The following DOCK4 variants were observed in gnomAD, a reference collection of about 807,000 sequenced individuals.
DOCK4 encodes the protein dedicator of cytokinesis protein 4.
Under a neutral mutation model 268.1 loss-of-function variants are expected in DOCK4, and 97 were observed. The observed-to-expected ratio is 0.36, with a 90% CI of 0.31 to 0.43. The LOEUF is 0.43. DOCK4 is among the 20% of genes least tolerant of loss of function. The pLI, the probability that DOCK4 is intolerant of heterozygous loss-of-function variation, is 1.00. For missense variants in DOCK4, 2,145 were observed against 2,455.7 expected, an observed-to-expected ratio of 0.87 and a Z score of 2.67; for synonymous variants, 954 against 887.2, an observed-to-expected ratio of 1.08 and a Z score of -1.34.
rs114897275 is a variant in DOCK4, at chr7:111,843,387, C to T, written c.2736+1376G>A. Among the ~76,000 whole-genome samples, 473 of 152,142 alleles carry T rather than the reference C, an allele frequency of 3.1e-3. 1 individual carries two copies. The highest frequency in any genetic ancestry group is 0.011 in the African/African-American group (459 of 41,508). On this transcript the variant is annotated intron_variant, in intron 25 of 52. Transcript: ENST00000428084. Reference sequence around the variant, plus strand: ...AAAAACTCAACAGTGAAAAAACAATCCAGTGTAAAAAATGGCAAAAAGACA... The same window carrying T: ...AAAAACTCAACAGTGAAAAAACAATTCAGTGTAAAAAATGGCAAAAAGACA...
intron 13 of DOCK4, among the ~76,000 whole-genome samples, chr7:111,908,159 T>C (rs532858658): frequency 2.0e-5 from 3 of 152,250 alleles, no homozygotes; most frequent in African/African-American, 7.2e-5. Flanking sequence ...GTAAGGAATA[T>C]TTATATTGGC....
chr7:111,958,855 T>C (rs956748945), intron 8 of DOCK4, among the ~76,000 whole-genome samples: 3 of 152,224 alleles, frequency 2.0e-5, no homozygotes, highest in Non-Finnish European at 4.4e-5. Context: ...ATTTCTTTGC[T>C]TGTTGTGTAT....
intron 22 of DOCK4, among the ~76,000 whole-genome samples, chr7:111,864,608 T>C (rs1805823385): frequency 6.6e-6 from 1 of 152,210 alleles, no homozygotes. Context: ...CAAAAATATC[T>C]AGAAGAGCCA....
intron 25 of DOCK4, among the ~76,000 whole-genome samples, chr7:111,839,965 G>T (rs1457128536): frequency 6.6e-6 from 1 of 151,980 alleles, no homozygotes; most frequent in African/African-American, 2.4e-5. Flanking sequence ...GATATTTTAA[G>T]AATGTATCTG....
intron 27 of DOCK4, among the ~76,000 whole-genome samples, chr7:111,817,077 T>C (rs1801614000): frequency 6.6e-6 from 1 of 152,220 alleles, no homozygotes; most frequent in South Asian, 2.1e-4. Flanking sequence ...TGTTTTGACC[T>C]CTTAGGCTTA....
At chr7:112,040,296 A>G (rs923057168) in intron 1 of DOCK4, among the ~76,000 whole-genome samples, 12 of 152,210 alleles carry the variant, frequency 7.9e-5, no homozygotes, top group Non-Finnish European at 1.6e-4. Flanking sequence ...AAATTCTACC[A>G]CATGTAGACA....
intron 1 of DOCK4, among the ~76,000 whole-genome samples, chr7:112,203,769 G>C (rs1327943144): frequency 6.6e-6 from 1 of 151,364 alleles, no homozygotes; most frequent in Non-Finnish European, 1.5e-5. Flanking sequence ...GCTATAAACA[G>C]TGCCCTCCAT....
chr7:112,087,804 T>C (rs542187060), intron 1 of DOCK4, among the ~76,000 whole-genome samples: 4 of 152,184 alleles, frequency 2.6e-5, no homozygotes, highest in East Asian at 3.9e-4. Flanking sequence ...TAACATTGTA[T>C]TGGGACCATT....
chr7:111,893,627 C>T (rs1808476278), intron 16 of DOCK4, among the ~76,000 whole-genome samples: 1 of 152,182 alleles, frequency 6.6e-6, no homozygotes, highest in Non-Finnish European at 1.5e-5. Context: ...ATAAATAGAT[C>T]ATCCCCGCAG....
intron 1 of DOCK4, among the ~76,000 whole-genome samples, chr7:112,052,975 C>T (rs916309476): frequency 3.3e-5 from 5 of 152,118 alleles, no homozygotes; most frequent in Non-Finnish European, 7.4e-5. Context: ...CACCAAACTC[C>T]CCGGAGTTAA....
At chr7:112,021,848 A>G (rs1373905440) in intron 1 of DOCK4, among the ~76,000 whole-genome samples, 1 of 152,110 alleles carries the variant, frequency 6.6e-6, no homozygotes, top group Non-Finnish European at 1.5e-5. Context: ...GCGCTTCCCT[A>G]GTTTACATGA....
chr7:111,742,721 C>T (rs1372689817), intron 44 of DOCK4, among the ~76,000 whole-genome samples: 2 of 152,146 alleles, frequency 1.3e-5, no homozygotes, highest in African/African-American at 2.4e-5. Flanking sequence ...TGGCCAGGCG[C>T]GGTGGCTCAC....
chr7:111,934,533 T>TG (rs1562907446), intron 12 of DOCK4, among the ~76,000 whole-genome samples: 2,317 of 141,488 alleles, frequency 0.016, 93 homozygotes, highest in African/African-American at 0.059. Context: ...GTTTTTTTTT[T>TG]TTTTTTTTTT....
At chr7:111,925,614 A>C (rs1349166302) in intron 12 of DOCK4, among the ~76,000 whole-genome samples, 1 of 152,164 alleles carries the variant, frequency 6.6e-6, no homozygotes, top group African/African-American at 2.4e-5. Context: ...TACATGATGA[A>C]AGGAGCCTAG....
intron 1 of DOCK4, among the ~76,000 whole-genome samples, chr7:112,125,579 G>C (rs1226445142): frequency 6.6e-6 from 1 of 152,168 alleles, no homozygotes. Context: ...ATTAAAACTA[G>C]AGACAGACAG....
At chr7:111,911,863 A>G (rs1316929243) in intron 13 of DOCK4, among the ~76,000 whole-genome samples, 1 of 151,760 alleles carries the variant, frequency 6.6e-6, no homozygotes, top group Non-Finnish European at 1.5e-5. Context: ...AGTGGGATGA[A>G]TTTTTTTTGT....
chr7:112,182,817 C>G (rs1313796038), intron 1 of DOCK4, among the ~76,000 whole-genome samples: 1 of 152,222 alleles, frequency 6.6e-6, no homozygotes, highest in Non-Finnish European at 1.5e-5. Context: ...CCACGAGACA[C>G]AGAATACAAT....
intron 11 of DOCK4, among the ~76,000 whole-genome samples, chr7:111,936,904 C>T (rs538450987): frequency 2.4e-4 from 36 of 152,178 alleles, no homozygotes; most frequent in African/African-American, 8.7e-4. Context: ...AAATGAGCGC[C>T]GAATCTTAAG....
rs751395508 is a variant in DOCK4, at chr7:111,806,518, G to A, written c.3166+2303C>T. ...AAGTAAAAATTTACGCTGACCCTAC[G>A]CTTGAACCACGTCATGCTGGGAATC... is the stretch of plus-strand genomic sequence containing the variant. On this transcript the variant is annotated intron_variant, in intron 30 of 52. Coordinates refer to ENST00000428084, the MANE Select transcript of DOCK4 (RefSeq NM_001363540.2). Among the ~76,000 whole-genome samples, 9 of 152,246 alleles carry A rather than the reference G, an allele frequency of 5.9e-5. No homozygotes were observed. The South Asian group carries it at 6.2e-4, about 11-fold the overall frequency.
Sources: gnomAD v4.1 joint callset for allele counts (sites outside exome capture counted in the v4.1 genomes callset) on GRCh38, gnomAD v4.1.1 for gene constraint, MANE v1.5 for transcripts, NCBI Gene and HGNC (gene_info 2026-07-23, HGNC 2026-07-21) for gene names.